Variants in ADAMTSL3 observed in about 807,000 individuals in gnomAD.
ADAMTSL3 encodes ADAMTS-like protein 3.
ADAMTSL3 carries 128 observed loss-of-function variants against 201.7 expected under a neutral mutation model. The observed-to-expected ratio is 0.63, with a 90% CI of 0.55 to 0.73. The LOEUF is 0.73. Ranked by LOEUF, ADAMTSL3 falls within the 30% of genes least tolerant of loss-of-function variation. ADAMTSL3 has a pLI of 0.00. For synonymous variants in ADAMTSL3, 738 were observed against 748.4 expected (o/e 0.99, Z 0.23); for missense variants, 1,990 against 2,119.6 (o/e 0.94, Z 1.20).
At chr15:83,661,574 C>T (rs1310757281) in intron 2 of ADAMTSL3, among the ~76,000 whole-genome samples, 3 of 152,084 alleles carry the variant, frequency 2.0e-5, no homozygotes, top group Non-Finnish European at 4.4e-5. Context: ...CATGATTTGG[C>T]TCTCTGTTTG....
At chr15:83,900,996 TGTGGTCCAGCCCA>T (rs2065713225) in intron 15 of ADAMTSL3, among the ~76,000 whole-genome samples, 1 of 152,170 alleles carries the variant, frequency 6.6e-6, no homozygotes, top group African/African-American at 2.4e-5. Flanking sequence ...CCCTTTTAAC[TGTGGTCCAGCCCA>T]GTGGTGAGCC....
At chr15:83,799,904 C>T (rs1426377348) in intron 4 of ADAMTSL3, among the ~76,000 whole-genome samples, 1 of 152,192 alleles carries the variant, frequency 6.6e-6, no homozygotes, top group Non-Finnish European at 1.5e-5. Context: ...AATAAGCTGG[C>T]AGGTTCCTGC....
chr15:83,934,552 G>A (rs970101831), intron 17 of ADAMTSL3, among the ~76,000 whole-genome samples: 1 of 152,164 alleles, frequency 6.6e-6, no homozygotes, highest in African/African-American at 2.4e-5. Flanking sequence ...CTGTGGGAAG[G>A]CATGATTGGT....
chr15:83,942,040 G>A (rs552946767), intron 17 of ADAMTSL3, among the ~76,000 whole-genome samples: 4 of 152,246 alleles, frequency 2.6e-5, no homozygotes, highest in South Asian at 2.1e-4. Flanking sequence ...AATATGTGTC[G>A]AAAGCAGCTG....
In ADAMTSL3 at chr15:83,742,692, T is replaced by C. The variant is rs957607088; in HGVS notation, c.190-30831T>C. On this transcript the variant is annotated intron_variant, in intron 3 of 29. Coordinates refer to ENST00000286744, the MANE Select transcript of ADAMTSL3 (RefSeq NM_207517.3). ...TGATTTTGTAGTTTGTAATCATTTG[T>C]GCTTTTCTTGTCTGGAAGCTAGTAA... 3.3e-5 allele frequency among the ~76,000 whole-genome samples: 5 copies of C among 152,360 alleles called. No homozygotes were observed. The South Asian group carries it at 1.0e-3, about 32-fold the overall frequency.
rs1033905536 is a variant in ADAMTSL3 at position 83,893,131 on chromosome 15, C to T, written c.1467+243C>T. 1.1e-4 allele frequency among the ~76,000 whole-genome samples: 16 copies of T among 152,036 alleles called. No individual in the cohort carries two copies. The East Asian group carries it at 1.5e-3, about 15-fold the overall frequency. On this transcript the variant is annotated intron_variant, in intron 13 of 29. Transcript: ENST00000286744. ...AATAATATTTCCATACAATTACCAG[C>T]GTAATTAATATTAAGTACTGTAAAG...
At chr15:83,916,299 A>G (rs532229360) in intron 16 of ADAMTSL3, among the ~76,000 whole-genome samples, 25 of 152,280 alleles carry the variant, frequency 1.6e-4, no homozygotes, top group African/African-American at 6.0e-4. Context: ...TAGCCTTATA[A>G]GGGTATATTT....
chr15:83,909,875 C>G (rs2065902023), intron 15 of ADAMTSL3, among the ~76,000 whole-genome samples: 1 of 152,156 alleles, frequency 6.6e-6, no homozygotes, highest in Non-Finnish European at 1.5e-5. Flanking sequence ...CTCGGCCTCC[C>G]AAAGTGCTGG....
At chr15:83,913,661 C>T (rs1348844815) in intron 16 of ADAMTSL3, among the ~76,000 whole-genome samples, 2 of 151,908 alleles carry the variant, frequency 1.3e-5, no homozygotes, top group Non-Finnish European at 2.9e-5. Context: ...TAGGAAAATG[C>T]AGAATGGATA....
chr15:83,931,022 G>A (rs2066345561), intron 17 of ADAMTSL3, among the ~76,000 whole-genome samples: 2 of 152,184 alleles, frequency 1.3e-5, no homozygotes, highest in Admixed American at 1.3e-4. Context: ...TCCAAGGTGG[G>A]GTGTTGGATG....
intron 20 of ADAMTSL3, among the ~76,000 whole-genome samples, chr15:83,970,841 G>A (rs530976932): frequency 1.4e-3 from 207 of 152,276 alleles, no homozygotes; most frequent in African/African-American, 4.6e-3. Context: ...AGAAATGTCC[G>A]CCCACTTAAC....
intron 8 of ADAMTSL3, 128 bp from the exon 9 acceptor site, chr15:83,870,670 ATGTT>A (rs2065063487): frequency 1.4e-6 from 1 of 717,788 alleles, no homozygotes; most frequent in African/African-American, 1.9e-5. Context: ...ATATCAATGA[ATGTT>A]TGTAAACTGA....
intron 5 of ADAMTSL3, among the ~76,000 whole-genome samples, chr15:83,816,553 G>A (rs1050895064): frequency 1.3e-5 from 2 of 152,232 alleles, no homozygotes; most frequent in African/African-American, 4.8e-5. Flanking sequence ...CAAAGAAGTT[G>A]CTTGCATCCT....
intron 2 of ADAMTSL3, among the ~76,000 whole-genome samples, chr15:83,704,011 A>AAC (rs1347529387): frequency 2.6e-5 from 4 of 151,436 alleles, no homozygotes; most frequent in Non-Finnish European, 5.9e-5. Context: ...GCCAAAAAAA[A>AAC]AAAAAAACAC....
intron 6 of ADAMTSL3, among the ~76,000 whole-genome samples, chr15:83,823,913 CTTCT>C: frequency 1.3e-5 from 1 of 75,708 alleles, no homozygotes; most frequent in South Asian, 4.4e-4. Flanking sequence ...TCTTCTTCTT[CTTCT>C]TCTTCTTCTT....
intron 2 of ADAMTSL3, among the ~76,000 whole-genome samples, chr15:83,669,590 C>T (rs1328468264): frequency 6.7e-6 from 1 of 148,262 alleles, no homozygotes; most frequent in Non-Finnish European, 1.5e-5. Context: ...GCCTCAGCCT[C>T]CTGAGTAGCT....
rs200182897 is a variant in ADAMTSL3 at position 83,737,403 on chromosome 15, C to T, written c.189+32895C>T. On this transcript the variant is annotated intron_variant, in intron 3 of 29. Coordinates refer to ENST00000286744, the MANE Select transcript of ADAMTSL3 (RefSeq NM_207517.3). ...GAGGTGATTGGATCGGGGGCAGTTTCCCCCATGCTGGTCTCATGACAGTGA... is the reference window on the plus strand; with the variant it reads ...GAGGTGATTGGATCGGGGGCAGTTTTCCCCATGCTGGTCTCATGACAGTGA... Among the ~76,000 whole-genome samples, 110 of 152,206 alleles carry T rather than the reference C, an allele frequency of 7.2e-4. 1 individual carries two copies. In the East Asian group the frequency reaches 0.019, roughly 27 times the overall value.
At chr15:83,893,064 G>A (rs2065543279) in intron 13 of ADAMTSL3, among the ~76,000 whole-genome samples, 176 bp downstream of exon 13, 1 of 152,066 alleles carries the variant, frequency 6.6e-6, no homozygotes, top group African/African-American at 2.4e-5. Context: ...AAGACCACAA[G>A]CATCATGGTA....
chr15:83,865,974 G>C (rs1408404811), intron 8 of ADAMTSL3, among the ~76,000 whole-genome samples: 2 of 152,190 alleles, frequency 1.3e-5, no homozygotes, highest in Non-Finnish European at 2.9e-5. Context: ...CTTCTCAAAA[G>C]AAGACATTTA....
Sources: allele counts gnomAD v4.1 joint callset (sites outside exome capture counted in the v4.1 genomes callset), GRCh38; gene constraint gnomAD v4.1.1; transcripts MANE v1.5; gene names NCBI Gene and HGNC (gene_info 2026-07-23, HGNC 2026-07-21).